Variants in TMEM67 observed in about 807,000 individuals in gnomAD.
The protein encoded by TMEM67 is meckelin.
Under a neutral mutation model 136.6 loss-of-function variants are expected in TMEM67, and 124 were observed. The observed-to-expected ratio is 0.91, with a 90% CI of 0.78 to 1.05. TMEM67 has a LOEUF of 1.05. Ranked by LOEUF, TMEM67 falls within the 50% of genes least tolerant of loss-of-function variation. TMEM67 has a pLI of 0.00. For synonymous variants in TMEM67, 364 were observed against 390.5 expected (o/e 0.93, Z 0.80); for missense variants, 1,107 against 1,178.4 (o/e 0.94, Z 0.89).
the TMEM67 span, among the ~76,000 whole-genome samples, chr8:93,824,416 G>A: frequency 6.6e-6 from 1 of 152,142 alleles, no homozygotes; most frequent in Non-Finnish European, 1.5e-5. Context: ...CTCCCGGAGG[G>A]TAAAAGGCTA....
chr8:93,762,145 C>T (rs911239932), intron 3 of TMEM67: 1 of 152,094 alleles, frequency 6.6e-6, no homozygotes, highest in African/African-American at 2.4e-5. Flanking sequence ...GTCCCAGCTA[C>T]TTGGGACACT....
chr8:93,795,240 G>A (rs1814554571), intron 16 of TMEM67, 169 bp from the exon 17 acceptor site: 2 of 668,200 alleles, frequency 3.0e-6, no homozygotes, highest in East Asian at 2.7e-5. Context: ...CCAAAAGGTA[G>A]CAAGGAGGAG....
At chr8:93,764,336 A>G (rs1812985328) in intron 4 of TMEM67, among the ~76,000 whole-genome samples, 2 of 152,246 alleles carry the variant, frequency 1.3e-5, no homozygotes, top group East Asian at 1.9e-4. Context: ...CATAATTTGT[A>G]TATAATCTGT....
At chr8:93,767,311 C>T (rs985005299) in intron 6 of TMEM67, among the ~76,000 whole-genome samples, 2 of 152,206 alleles carry the variant, frequency 1.3e-5, no homozygotes, top group Non-Finnish European at 2.9e-5. Context: ...ATGCTGTTAA[C>T]CTTGATCACC....
intron 14 of TMEM67, among the ~76,000 whole-genome samples, chr8:93,791,022 A>G (rs925414839): frequency 3.6e-4 from 55 of 152,218 alleles, no homozygotes; most frequent in African/African-American, 1.3e-3. Context: ...TTGTGCATGA[A>G]TTTAACTTAT....
chr8:93,786,533 AG>A (rs2130692314), intron 13 of TMEM67, among the ~76,000 whole-genome samples, 187 bp downstream of exon 13: 1 of 152,316 alleles, frequency 6.6e-6, no homozygotes, highest in Non-Finnish European at 1.5e-5. Context: ...ATAACAGAAG[AG>A]TGTGAGGAGT....
intron 6 of TMEM67, among the ~76,000 whole-genome samples, chr8:93,770,825 G>T (rs917572183): frequency 6.6e-6 from 1 of 151,946 alleles, no homozygotes; most frequent in African/African-American, 2.4e-5. Flanking sequence ...GACCAGCCTG[G>T]CCAACATGGT....
At chr8:93,762,936 G>T (rs1388523492) in intron 3 of TMEM67, 2 of 442,236 alleles carry the variant, frequency 4.5e-6, no homozygotes, top group Non-Finnish European at 9.1e-6. Flanking sequence ...TTGTTTGTTT[G>T]TTTTTTGAAA....
chr8:93,804,791 T>A lies in TMEM67; in HGVS notation c.2352T>A (p.Cys784Ter). 15 of 1,606,178 alleles carry A rather than the reference T, an allele frequency of 9.3e-6. No homozygotes were observed. The highest frequency in any genetic ancestry group is 1.3e-5 in the Non-Finnish European group (15 of 1,173,230). ...CAGTGTTTCTGTTATCCCACAAATG[T>A]TTTGGATATTACATTCATGGTAGAT... ...NISVFLLSHK[C>*]FGYYIHGRSV... The change falls in exon 23 of 28, where the codon TGT becomes TGA. Residue 784 changes from cysteine to a stop codon, truncating the protein, a stop_gained. Coordinates refer to ENST00000453321, the MANE Select transcript of TMEM67 (RefSeq NM_153704.6). LOFTEE classifies it high-confidence loss of function.
chr8:93,784,700 A>G (rs1814014259), intron 11 of TMEM67, among the ~76,000 whole-genome samples: 1 of 152,214 alleles, frequency 6.6e-6, no homozygotes, highest in East Asian at 1.9e-4. Flanking sequence ...TCACATTTGT[A>G]ATGACAGAGA....
intron 11 of TMEM67, among the ~76,000 whole-genome samples, chr8:93,782,994 T>C (rs948406552): frequency 2.6e-5 from 4 of 152,182 alleles, no homozygotes; most frequent in African/African-American, 9.6e-5. Flanking sequence ...ATAGAGTTTT[T>C]TGTTTTTTGA....
rs969075810 is a variant in TMEM67, at chr8:93,808,152, A to T, written c.2440-688A>T. On this transcript the variant is annotated intron_variant, in intron 23 of 27. Transcript: ENST00000453321. ...CTAAGAATATCAATATACAATAAAC[A>T]TATATATGTCTTTATATCATCTCCT... is the stretch of plus-strand genomic sequence containing the variant. Among the ~76,000 whole-genome samples, 15 of 150,630 alleles carry T rather than the reference A, an allele frequency of 1.0e-4. 1 individual carries two copies. Among genetic ancestry groups the T allele is most frequent in the South Asian group, 4.1e-4 (2 of 4,822 alleles).
chr8:93,803,653 G>T lies in TMEM67; in HGVS notation c.2291G>T (p.Arg764Leu). ...FYERFIEDKI[R>L]QFVDLCSMSN... ...GAGAGATTTATAGAAGATAAAATTC[G>T]ACAGTTCGTTGATTTATGCTCTATG... Residue 764 changes from arginine (R) to leucine (L), a missense_variant, in exon 22 of 28, where the codon CGA becomes CTA. By Grantham distance (102) the Arg-to-Leu change is moderately radical. Transcript: ENST00000453321. 3 of 1,603,058 alleles carry T rather than the reference G, an allele frequency of 1.9e-6. No individual in the cohort carries two copies. The highest frequency in any genetic ancestry group is 2.2e-5 in the South Asian group (2 of 90,822).
At position 93,772,669 on chromosome 8, in the gene TMEM67, A is replaced by T. The variant is rs140881754; in HGVS notation, c.714+18A>T. The T allele has an allele frequency of 1.5e-4, 245 of 1,593,094 alleles. No homozygotes were observed. The African/African-American group carries it at 2.9e-3, about 19-fold the overall frequency. On this transcript the variant is annotated intron_variant, in intron 7 of 27. Coordinates refer to ENST00000453321, the MANE Select transcript of TMEM67 (RefSeq NM_153704.6). ...CATGTTGGGTAAGTTTGAATTTTTT[A>T]AATAAATTTCATTTTATTTTGAAGA...
intron 7 of TMEM67, among the ~76,000 whole-genome samples, chr8:93,775,712 G>A (rs1397768776): frequency 2.6e-5 from 4 of 152,222 alleles, no homozygotes; most frequent in African/African-American, 7.2e-5. Context: ...ATTGGTCTAT[G>A]TATCTGTTTT....
rs1563686068 is a variant in TMEM67, at chr8:93,773,080, A to G, written c.714+429A>G. Among the ~76,000 whole-genome samples, 3 of 152,142 alleles carry G rather than the reference A, an allele frequency of 2.0e-5. No individual in the cohort carries two copies. In the East Asian group the frequency reaches 5.8e-4, roughly 29 times the overall value. On this transcript the variant is annotated intron_variant, in intron 7 of 27. Coordinates refer to ENST00000453321, the MANE Select transcript of TMEM67 (RefSeq NM_153704.6). Reference sequence around the variant, plus strand: ...GTACATAGATGGGGTGGGGGGTGCTATTTTATATAGTGATCAGGACAGACA... The same window carrying G: ...GTACATAGATGGGGTGGGGGGTGCTGTTTTATATAGTGATCAGGACAGACA...
the TMEM67 span, among the ~76,000 whole-genome samples, chr8:93,832,465 A>G: frequency 6.6e-6 from 1 of 152,082 alleles, no homozygotes; most frequent in Non-Finnish European, 1.5e-5. Context: ...TGCCTTGGAG[A>G]GATCACCTTC....
At chr8:93,781,521 T>G (rs1813826494) in intron 9 of TMEM67, 137 bp from the exon 10 acceptor site, 1 of 533,896 alleles carries the variant, frequency 1.9e-6, no homozygotes, top group Admixed American at 3.5e-5. Context: ...TAGAAATAGA[T>G]TAATTGAACC....
downstream of TMEM67, chr8:93,819,353 T>G (rs560583193): frequency 1.7e-5 from 6 of 356,714 alleles, no homozygotes; most frequent in Non-Finnish European, 3.2e-5. Context: ...ATGTAAAACA[T>G]AAAAGAAGAC....
Sources: allele counts gnomAD v4.1 joint callset (sites outside exome capture counted in the v4.1 genomes callset), GRCh38; gene constraint gnomAD v4.1.1; transcripts MANE v1.5; gene names NCBI Gene and HGNC (gene_info 2026-07-23, HGNC 2026-07-21).